The following TBC1D1 variants were observed in gnomAD, a reference collection of about 807,000 sequenced individuals.
TBC1D1 encodes TBC1 domain family member 1.
In TBC1D1, 89 loss-of-function variants were observed where a neutral mutation model predicts 125.6. The observed-to-expected ratio is 0.71, with a 90% CI of 0.60 to 0.85. The LOEUF (loss-of-function observed/expected upper bound fraction) is 0.85, where lower values mean the gene tolerates loss of function less well. Ranked by LOEUF, TBC1D1 falls within the 40% of genes least tolerant of loss-of-function variation. The pLI, the probability that TBC1D1 is intolerant of heterozygous loss-of-function variation, is 0.00. For synonymous variants in TBC1D1, 565 were observed against 564.1 expected, an observed-to-expected ratio of 1.00 and a Z score of -0.02; for missense variants, 1,377 against 1,469.2, an observed-to-expected ratio of 0.94 and a Z score of 1.03.
chr4:38,108,145 G>C (rs1431165618), intron 15 of TBC1D1, among the ~76,000 whole-genome samples: 1 of 152,160 alleles, frequency 6.6e-6, no homozygotes, highest in Non-Finnish European at 1.5e-5. Flanking sequence ...AACATGGACT[G>C]CCCAGCATCC....
chr4:37,949,819 G>A (rs1030442746), intron 2 of TBC1D1, among the ~76,000 whole-genome samples: 1 of 152,192 alleles, frequency 6.6e-6, no homozygotes, highest in Non-Finnish European at 1.5e-5. Flanking sequence ...GAATGGGCTT[G>A]GCTATGTTCC....
At chr4:38,089,276 T>C (rs1277611188) in intron 12 of TBC1D1, among the ~76,000 whole-genome samples, 2 of 152,226 alleles carry the variant, frequency 1.3e-5, no homozygotes, top group East Asian at 3.8e-4. Context: ...AGTCTACCTA[T>C]ATAAAATGCC....
At chr4:38,075,822 C>T (rs1412884393) in intron 12 of TBC1D1, among the ~76,000 whole-genome samples, 1 of 152,174 alleles carries the variant, frequency 6.6e-6, no homozygotes, top group African/African-American at 2.4e-5. Flanking sequence ...GCAAGCAGAA[C>T]CCCCATCACG....
At chr4:38,095,429 G>A (rs1422194967) in intron 13 of TBC1D1, among the ~76,000 whole-genome samples, 1 of 152,178 alleles carries the variant, frequency 6.6e-6, no homozygotes, top group Non-Finnish European at 1.5e-5. Context: ...TTTGAAAGGG[G>A]TAGATTTATT....
chr4:37,960,618 A>G, intron 2 of TBC1D1: 1 of 1,614,184 alleles, frequency 6.2e-7, no homozygotes, highest in South Asian at 1.1e-5. Flanking sequence ...AGCTACCAGA[A>G]AGGCTTTGGG....
chr4:37,923,960 G>A lies in TBC1D1; in HGVS notation c.417+21448G>A, dbSNP rs111877267. Among the ~76,000 whole-genome samples the A allele has an allele frequency of 1.8e-3, 273 of 152,236 alleles. 2 individuals are homozygous for A. The highest frequency in any genetic ancestry group is 5.9e-3 in the African/African-American group (247 of 41,524). ...CTCCGAAAGTGCTGGGATTACAGGC[G>A]TGAGCCAATGCACCCGGCATAGTCA... is the stretch of plus-strand genomic sequence containing the variant. On this transcript the variant is annotated intron_variant, in intron 2 of 19. Transcript: ENST00000261439.
intron 12 of TBC1D1, among the ~76,000 whole-genome samples, chr4:38,070,709 G>C (rs945005523): frequency 2.0e-5 from 3 of 152,210 alleles, no homozygotes; most frequent in African/African-American, 7.2e-5. Context: ...AGAATACAAA[G>C]AGAGCATTGA....
intron 2 of TBC1D1, chr4:37,961,047 T>G (rs1729948601): frequency 9.3e-6 from 15 of 1,609,066 alleles, no homozygotes; most frequent in Middle Eastern, 1.7e-4. Context: ...ATATTTAAAT[T>G]TCTTAGTGCT....
chr4:38,074,500 G>T (rs192206765), intron 12 of TBC1D1, among the ~76,000 whole-genome samples: 20 of 152,318 alleles, frequency 1.3e-4, no homozygotes, highest in Admixed American at 9.8e-4. Flanking sequence ...TAAGCTGAGT[G>T]TGCAGCACTC....
At chr4:38,036,100 T>C (rs1747158248) in intron 8 of TBC1D1, among the ~76,000 whole-genome samples, 3 of 152,210 alleles carry the variant, frequency 2.0e-5, no homozygotes, top group South Asian at 4.1e-4. Flanking sequence ...CTTTGTGATA[T>C]AAATGCTAGG....
intron 12 of TBC1D1, among the ~76,000 whole-genome samples, chr4:38,060,396 T>C (rs1179358759): frequency 6.6e-6 from 1 of 152,262 alleles, no homozygotes; most frequent in Admixed American, 6.5e-5. Context: ...TGTTGTTTCT[T>C]GACTTTTTAA....
At chr4:38,033,673 T>G (rs1056547620) in intron 7 of TBC1D1, among the ~76,000 whole-genome samples, 1 of 152,136 alleles carries the variant, frequency 6.6e-6, no homozygotes, top group Non-Finnish European at 1.5e-5. Context: ...TACAGAATAG[T>G]TTCACTGCCC....
chr4:38,130,252 A>G (rs970119163), intron 18 of TBC1D1, among the ~76,000 whole-genome samples: 26 of 152,334 alleles, frequency 1.7e-4, no homozygotes, highest in African/African-American at 6.3e-4. Flanking sequence ...AGGAAATTTT[A>G]TGTTGGTTAT....
intron 12 of TBC1D1, among the ~76,000 whole-genome samples, chr4:38,065,490 A>G (rs1307905528): frequency 6.6e-6 from 1 of 152,210 alleles, no homozygotes; most frequent in Non-Finnish European, 1.5e-5. Context: ...AATGAGTTCT[A>G]TGGCAGGGGA....
chr4:37,901,255 C>A (rs113249810), intron 1 of TBC1D1, among the ~76,000 whole-genome samples: 2,889 of 151,944 alleles, frequency 0.019, 86 homozygotes, highest in African/African-American at 0.066. Flanking sequence ...CTCCTGGATT[C>A]AAGCAATTCT....
intron 15 of TBC1D1, among the ~76,000 whole-genome samples, chr4:38,104,647 C>G (rs771765686): frequency 2.0e-5 from 3 of 152,192 alleles, no homozygotes; most frequent in Non-Finnish European, 4.4e-5. Flanking sequence ...TTCCTGCAGC[C>G]ACGACAGAGG....
chr4:38,004,841 C>T (rs180759595), intron 2 of TBC1D1, among the ~76,000 whole-genome samples: 2 of 152,338 alleles, frequency 1.3e-5, no homozygotes, highest in Admixed American at 6.5e-5. Flanking sequence ...TTAAAGAGTA[C>T]ATTTTGTAGC....
At chr4:37,974,293 G>A (rs1057508581) in intron 2 of TBC1D1, among the ~76,000 whole-genome samples, 1 of 147,352 alleles carries the variant, frequency 6.8e-6, no homozygotes, top group Admixed American at 6.8e-5. Context: ...TGCAGTGGCT[G>A]AATCTCAACT....
chr4:37,968,711 C>T (rs140045704), intron 2 of TBC1D1, among the ~76,000 whole-genome samples: 3 of 152,290 alleles, frequency 2.0e-5, no homozygotes, highest in African/African-American at 7.2e-5. Context: ...CCTGAAGATT[C>T]ATCTTGAATC....
Sources: allele counts gnomAD v4.1 joint callset (sites outside exome capture counted in the v4.1 genomes callset), GRCh38; gene constraint gnomAD v4.1.1; transcripts MANE v1.5; gene names NCBI Gene and HGNC (gene_info 2026-07-23, HGNC 2026-07-21).